The following ARL6IP1 variants were observed in gnomAD, a reference collection of about 807,000 sequenced individuals.
ARL6IP1 encodes ARL6 interacting reticulophagy regulator 1.
Under a neutral mutation model 30.1 loss-of-function variants are expected in ARL6IP1, and 16 were observed. That is an observed-to-expected ratio of 0.53 (90% CI 0.36 to 0.81). ARL6IP1 has a LOEUF of 0.81. ARL6IP1 is among the 30% of genes least tolerant of loss of function. ARL6IP1 has a pLI of 0.01. For synonymous variants in ARL6IP1, 72 were observed against 84.8 expected (o/e 0.85, Z 0.83); for missense variants, 173 against 242.7 (o/e 0.71, Z 1.91).
chr16:18,797,339 C>T (rs2030267703), intron 3 of ARL6IP1, among the ~76,000 whole-genome samples: 2 of 147,526 alleles, frequency 1.4e-5, no homozygotes, highest in South Asian at 4.3e-4. Context: ...GAGCCAAGAG[C>T]GTACTGCACT....
intron 1 of ARL6IP1, 67 bp downstream of exon 1, chr16:18,801,364 G>C: frequency 6.3e-7 from 1 of 1,596,106 alleles, no homozygotes; most frequent in South Asian, 1.1e-5. Context: ...ACGAGGCCGC[G>C]GTGTTTGAGC....
In ARL6IP1 at chr16:18,801,486, C is replaced by T; in HGVS notation, c.-20G>A. On this transcript the variant is annotated 5_prime_UTR_variant, in exon 1 of 6. Transcript: ENST00000304414. ...CGCCATCGTCTCGGGGATGCAGTCT[C>T]TACAAGCGCAGGCCACCTCCCCAAC... is the stretch of plus-strand genomic sequence containing the variant. 6.2e-7 allele frequency: 1 copy of T among 1,611,398 alleles called. No individual in the cohort carries two copies. The highest frequency in any genetic ancestry group is 8.5e-7 in the Non-Finnish European group (1 of 1,179,168).
At chr16:18,797,128 T>C (rs2030256072) in intron 3 of ARL6IP1, among the ~76,000 whole-genome samples, 1 of 151,822 alleles carries the variant, frequency 6.6e-6, no homozygotes, top group African/African-American at 2.4e-5. Context: ...GCCTGTAATC[T>C]CAGCACTTTG....
At chr16:18,795,927 T>A (rs1251855123) in intron 3 of ARL6IP1, among the ~76,000 whole-genome samples, 1 of 152,184 alleles carries the variant, frequency 6.6e-6, no homozygotes, top group Non-Finnish European at 1.5e-5. Context: ...ATTTTGCTAT[T>A]CCTAAATATT....
intron 2 of ARL6IP1, 52 bp downstream of exon 2, chr16:18,798,649 A>C: frequency 6.3e-7 from 1 of 1,576,940 alleles, no homozygotes; most frequent in South Asian, 1.2e-5. Flanking sequence ...ATATATTAAA[A>C]AGTCTTTATT....
chr16:18,798,606 A>G, intron 2 of ARL6IP1, 95 bp downstream of exon 2: 1 of 1,374,736 alleles, frequency 7.3e-7, no homozygotes, highest in Non-Finnish European at 9.8e-7. Context: ...TATATATTAC[A>G]GAAGACTTAA....
intron 2 of ARL6IP1, 179 bp downstream of exon 2, chr16:18,798,522 G>T: frequency 1.5e-6 from 1 of 653,690 alleles, no homozygotes; most frequent in Non-Finnish European, 2.3e-6. Context: ...AGGTTACCAA[G>T]TTTACAGAAG....
intron 3 of ARL6IP1, 70 bp from the exon 4 acceptor site, chr16:18,795,651 A>G (rs1300910574): frequency 2.1e-6 from 2 of 940,986 alleles, no homozygotes; most frequent in African/African-American, 3.3e-5. Context: ...ACCCTGTTCA[A>G]TTTAAGAGCT....
chr16:18,793,334 T>A lies in ARL6IP1; in HGVS notation c.530A>T (p.His177Leu), dbSNP rs1345315896. 5 of 1,613,178 alleles carry A rather than the reference T, an allele frequency of 3.1e-6. No homozygotes were observed. The highest frequency in any genetic ancestry group is 4.2e-6 in the Non-Finnish European group (5 of 1,179,798). Residue 177 changes from histidine to leucine, a missense_variant, in exon 6 of 6, where the codon CAT (histidine) becomes CTT (leucine). By Grantham distance (99) the His-to-Leu change is moderately conservative. Transcript: ENST00000304414. Reference sequence around the variant, plus strand: ...TCCAATGTACTTCAAAATGATTCCATGTTGGTTTAGTCCAGGAAGCAATAG... The same window carrying A: ...TCCAATGTACTTCAAAATGATTCCAAGTTGGTTTAGTCCAGGAAGCAATAG... ...SLLLLPGLNQ[H>L]GIILKYIGMA...
chr16:18,798,291 G>C lies in ARL6IP1; in HGVS notation c.171-247C>G, dbSNP rs189425432. 1.7e-3 allele frequency: 631 copies of C among 372,492 alleles called. 1 individual carries two copies. The highest frequency in any genetic ancestry group is 1.9e-3 in the Non-Finnish European group (388 of 206,598). The allele number at this position is 372,492 out of a possible 1,614,324, so 23.1% of individuals were successfully genotyped here. On this transcript the variant is annotated intron_variant, in intron 2 of 5. Transcript: ENST00000304414. ...CTCAGCACTTTTTTAAGAGTTTAGG[G>C]AGGTGGGGGACTAGGGGAGGGATAG...
chr16:18,795,624 G>T, intron 3 of ARL6IP1, 43 bp from the exon 4 acceptor site: 1 of 1,373,178 alleles, frequency 7.3e-7, no homozygotes, highest in Non-Finnish European at 1.0e-6. Flanking sequence ...AATCGTTACA[G>T]TAGACAAAAA....
intron 2 of ARL6IP1, 174 bp downstream of exon 2, chr16:18,798,527 C>T: frequency 1.5e-6 from 1 of 680,850 alleles, no homozygotes; most frequent in Non-Finnish European, 2.2e-6. Flanking sequence ...ACCAAGTTTA[C>T]AGAAGTACTA....
chr16:18,796,939 G>C (rs1193783454), intron 3 of ARL6IP1, among the ~76,000 whole-genome samples: 1 of 152,194 alleles, frequency 6.6e-6, no homozygotes, highest in Non-Finnish European at 1.5e-5. Context: ...GCCAAGGATA[G>C]AATAGCAGCT....
Position 18,792,260 on chromosome 16 carries a change from A to G in ARL6IP1, c.*992T>C, listed in dbSNP as rs748881666. The G allele has an allele frequency of 6.6e-6, 1 of 152,258 alleles. No individual in the cohort carries two copies. The highest frequency in any genetic ancestry group is 2.4e-5 in the African/African-American group (1 of 41,470). The allele number at this position is 152,258 out of a possible 1,614,324, so 9.4% of individuals were successfully genotyped here. On this transcript the variant is annotated 3_prime_UTR_variant, in exon 6 of 6. Coordinates refer to ENST00000304414, the MANE Select transcript of ARL6IP1 (RefSeq NM_015161.3). Reference sequence around the variant, plus strand: ...GACACCAGTGTAGTCACTATCTCCCATGTCAAACCTAGGGGACTAAAATGG... The same window carrying G: ...GACACCAGTGTAGTCACTATCTCCCGTGTCAAACCTAGGGGACTAAAATGG...
chr16:18,795,458 A>G lies in ARL6IP1; in HGVS notation c.408+6T>C. The G allele has an allele frequency of 6.3e-7, 1 of 1,599,388 alleles. No individual in the cohort carries two copies. Among genetic ancestry groups the G allele is most frequent in the East Asian group, 2.2e-5 (1 of 44,814 alleles). ...TACTGTACTTAAGTCAAAGCAAAAA[A>G]AGTACCATCTTAGGTTTTTCTTCCT... On this transcript the variant is annotated splice_donor_region_variant and intron_variant, in intron 4 of 5. Coordinates refer to ENST00000304414, the MANE Select transcript of ARL6IP1 (RefSeq NM_015161.3).
chr16:18,793,381 A>T lies in ARL6IP1; in HGVS notation c.494-11T>A, dbSNP rs766829955. 5.8e-5 allele frequency: 88 copies of T among 1,513,260 alleles called. No individual in the cohort carries two copies. The East Asian group carries it at 1.9e-3, about 32-fold the overall frequency. 93.7% of individuals were successfully genotyped at this position (1,513,260 alleles called of 1,614,324 possible). A position where few individuals can be genotyped will look rare whatever the true frequency, so the allele number is the denominator to read the frequency against. On this transcript the variant is annotated splice_polypyrimidine_tract_variant and intron_variant, in intron 5 of 5. Transcript: ENST00000304414. ...ATAGTAAGGAAGTCACTTAAAATAAAAAAAAACCCAACATTAAGGAGGCAG... is the reference window on the plus strand; with the variant it reads ...ATAGTAAGGAAGTCACTTAAAATAATAAAAAACCCAACATTAAGGAGGCAG...
chr16:18,795,408 C>T (rs930087698), intron 4 of ARL6IP1, 56 bp downstream of exon 4: 12 of 1,252,892 alleles, frequency 9.6e-6, no homozygotes, highest in East Asian at 4.7e-5. Context: ...GACAAAAAGG[C>T]GAATTGACTC....
intron 1 of ARL6IP1, 96 bp from the exon 2 acceptor site, chr16:18,798,930 A>T: frequency 7.4e-7 from 1 of 1,343,028 alleles, no homozygotes; most frequent in Non-Finnish European, 9.9e-7. Context: ...AATACAAAAA[A>T]TAACCTCTTA....
intron 3 of ARL6IP1, among the ~76,000 whole-genome samples, chr16:18,796,128 G>A (rs2030224134): frequency 6.6e-6 from 1 of 152,156 alleles, no homozygotes; most frequent in South Asian, 2.1e-4. Context: ...TTTATCCCTA[G>A]GGAGGGAAAA....
Sources: gnomAD v4.1 joint callset for allele counts (sites outside exome capture counted in the v4.1 genomes callset) on GRCh38, gnomAD v4.1.1 for gene constraint, MANE v1.5 for transcripts, NCBI Gene and HGNC (gene_info 2026-07-23, HGNC 2026-07-21) for gene names.